The following SCHIP1 variants were observed in gnomAD, a reference collection of about 807,000 sequenced individuals.
SCHIP1 encodes schwannomin-interacting protein 1.
In SCHIP1, 8 loss-of-function variants were observed where a neutral mutation model predicts 29.7. The ratio of observed to expected loss-of-function variants is 0.27; its 90% CI spans 0.16 to 0.49. The LOEUF (loss-of-function observed/expected upper bound fraction) is 0.49. Ranked by LOEUF, SCHIP1 falls within the 20% of genes least tolerant of loss-of-function variation. The pLI is 0.99. For synonymous variants in SCHIP1, 76 were observed against 94.9 expected (o/e 0.80, Z 1.16); for missense variants, 193 against 294.6 (o/e 0.66, Z 2.52).
the SCHIP1 span, among the ~76,000 whole-genome samples, chr3:159,426,187 A>G: frequency 1.3e-5 from 2 of 152,200 alleles, no homozygotes; most frequent in African/African-American, 4.8e-5. Context: ...AGAAATAACT[A>G]AGATCAGAGC....
chr3:159,345,959 T>C, the SCHIP1 span, among the ~76,000 whole-genome samples: 2 of 152,044 alleles, frequency 1.3e-5, no homozygotes, highest in African/African-American at 2.4e-5. Flanking sequence ...TTTGGGAGGC[T>C]GAAGGGGGCA....
chr3:159,467,815 T>C, the SCHIP1 span, among the ~76,000 whole-genome samples: 1 of 152,140 alleles, frequency 6.6e-6, no homozygotes, highest in Non-Finnish European at 1.5e-5. Flanking sequence ...TGAGTTATTA[T>C]GGAATGTTGA....
At chr3:159,726,863 T>C in the SCHIP1 span, among the ~76,000 whole-genome samples, 1 of 152,196 alleles carries the variant, frequency 6.6e-6, no homozygotes, top group Non-Finnish European at 1.5e-5. Flanking sequence ...GAGAAGATTG[T>C]CTAAGGATAA....
At chr3:159,612,731 G>A in the SCHIP1 span, among the ~76,000 whole-genome samples, 9 of 152,206 alleles carry the variant, frequency 5.9e-5, no homozygotes, top group African/African-American at 2.2e-4. Context: ...TGGGTGACAA[G>A]AGCGAGACTG....
the SCHIP1 span, among the ~76,000 whole-genome samples, chr3:159,523,024 G>A: frequency 5.0e-4 from 76 of 152,120 alleles, 2 homozygotes; most frequent in East Asian, 9.3e-3. Context: ...CCATTATCTG[G>A]CCTCAACAAC....
At chr3:159,717,166 A>T in the SCHIP1 span, among the ~76,000 whole-genome samples, 1 of 152,212 alleles carries the variant, frequency 6.6e-6, no homozygotes, top group Non-Finnish European at 1.5e-5. Flanking sequence ...AGAAATAAAG[A>T]TGTTCTTTGA....
At chr3:159,353,468 A>G in the SCHIP1 span, among the ~76,000 whole-genome samples, 1 of 152,116 alleles carries the variant, frequency 6.6e-6, no homozygotes, top group African/African-American at 2.4e-5. Context: ...TGAATCAAGG[A>G]GAGAAATGAG....
chr3:159,604,756 G>A, the SCHIP1 span, among the ~76,000 whole-genome samples: 27,100 of 152,136 alleles, frequency 0.18, 6,356 homozygotes, highest in African/African-American at 0.54. Context: ...GTTATTGACA[G>A]TTCATGTGTT....
At chr3:159,418,475 G>A in the SCHIP1 span, among the ~76,000 whole-genome samples, 1 of 152,316 alleles carries the variant, frequency 6.6e-6, no homozygotes, top group African/African-American at 2.4e-5. Context: ...TTTTAAGGAC[G>A]AGAAAGGTTT....
At chr3:159,728,023 G>A in the SCHIP1 span, among the ~76,000 whole-genome samples, 1 of 150,034 alleles carries the variant, frequency 6.7e-6, no homozygotes, top group Admixed American at 6.6e-5. Context: ...TTTTAAAAAG[G>A]CAATCTGTAA....
At chr3:159,688,285 T>C in the SCHIP1 span, among the ~76,000 whole-genome samples, 3 of 152,238 alleles carry the variant, frequency 2.0e-5, no homozygotes, top group Admixed American at 1.3e-4. Flanking sequence ...TTCTTAATGA[T>C]CGCCATTCTA....
the SCHIP1 span, among the ~76,000 whole-genome samples, chr3:159,569,950 G>A: frequency 6.6e-6 from 1 of 152,078 alleles, no homozygotes; most frequent in African/African-American, 2.4e-5. Flanking sequence ...TGTGTCTGTT[G>A]GCAGCATAGA....
chr3:159,876,366 T>G (rs1186708438), intron 2 of SCHIP1, among the ~76,000 whole-genome samples: 2 of 152,208 alleles, frequency 1.3e-5, no homozygotes, highest in Non-Finnish European at 2.9e-5. Flanking sequence ...GAATCTTGAC[T>G]CTGCCGCTTA....
chr3:159,859,622 A>G (rs964021320), intron 1 of SCHIP1, among the ~76,000 whole-genome samples: 18 of 152,266 alleles, frequency 1.2e-4, no homozygotes, highest in African/African-American at 4.3e-4. Flanking sequence ...TTGCTTCAAA[A>G]CAAGCATCCT....
chr3:159,761,965 CT>C, the SCHIP1 span, among the ~76,000 whole-genome samples: 2 of 152,168 alleles, frequency 1.3e-5, no homozygotes, highest in South Asian at 4.1e-4. Context: ...GTGATCAGTA[CT>C]TATCTGTCTA....
the SCHIP1 span, among the ~76,000 whole-genome samples, chr3:159,420,384 TA>T: frequency 6.6e-6 from 1 of 152,078 alleles, no homozygotes; most frequent in East Asian, 1.9e-4. Context: ...TGAAGAGTAT[TA>T]AAAAATAGAA....
At chr3:159,426,539 T>C in the SCHIP1 span, among the ~76,000 whole-genome samples, 3 of 152,162 alleles carry the variant, frequency 2.0e-5, no homozygotes, top group African/African-American at 7.2e-5. Context: ...GTGGCAATAA[T>C]CAATAGCTTA....
rs1717330126 is a variant in SCHIP1, at chr3:159,889,951, C to A, written c.589+1008C>A. On this transcript the variant is annotated intron_variant, in intron 5 of 6. Coordinates refer to ENST00000445224, the Ensembl canonical transcript of SCHIP1. Reference sequence around the variant, plus strand: ...CTCTATTAAAAATACAAAAAATTAGCTGGGCATGGTGGTGGGCACCTGTAG... The same window carrying A: ...CTCTATTAAAAATACAAAAAATTAGATGGGCATGGTGGTGGGCACCTGTAG... Among the ~76,000 whole-genome samples, 4 of 151,996 alleles carry A rather than the reference C, an allele frequency of 2.6e-5. No individual in the cohort carries two copies. In the South Asian group the frequency reaches 8.3e-4, roughly 31 times the overall value.
At chr3:159,759,695 A>C in the SCHIP1 span, among the ~76,000 whole-genome samples, 1 of 152,190 alleles carries the variant, frequency 6.6e-6, no homozygotes, top group Non-Finnish European at 1.5e-5. Context: ...CAGGTGATTA[A>C]ATAGGAGAGC....
Sources: allele counts gnomAD v4.1 joint callset (sites outside exome capture counted in the v4.1 genomes callset), GRCh38; gene constraint gnomAD v4.1.1; transcripts MANE v1.5; gene names NCBI Gene and HGNC (gene_info 2026-07-23, HGNC 2026-07-21).